Variants in SEMA4D observed in about 807,000 individuals in gnomAD.
SEMA4D encodes the protein semaphorin 4D.
SEMA4D carries 22 observed loss-of-function variants against 74.8 expected under a neutral mutation model. The ratio of observed to expected loss-of-function variants is 0.29; its 90% CI spans 0.21 to 0.42. The LOEUF is 0.42. Ranked by LOEUF, SEMA4D falls within the 10% of genes least tolerant of loss-of-function variation. The pLI is 1.00. For synonymous variants in SEMA4D, 445 were observed against 463.7 expected, an observed-to-expected ratio of 0.96 and a Z score of 0.52; for missense variants, 937 against 1,118.4, an observed-to-expected ratio of 0.84 and a Z score of 2.31.
intron 2 of SEMA4D, among the ~76,000 whole-genome samples, chr9:89,443,040 G>A (rs368114270): frequency 1.3e-5 from 2 of 152,206 alleles, no homozygotes; most frequent in Non-Finnish European, 2.9e-5. Flanking sequence ...CCTACAGCAT[G>A]CCTGCACAGC....
chr9:89,434,258 T>C (rs965255454), intron 2 of SEMA4D, among the ~76,000 whole-genome samples: 19 of 151,778 alleles, frequency 1.3e-4, no homozygotes, highest in African/African-American at 4.1e-4. Context: ...CGCGTGTAGG[T>C]AGAGGAGGGA....
intron 2 of SEMA4D, among the ~76,000 whole-genome samples, chr9:89,452,893 T>C (rs2135466812): frequency 6.6e-6 from 1 of 152,276 alleles, no homozygotes; most frequent in East Asian, 1.9e-4. Flanking sequence ...TCATCATTAG[T>C]CAGAGTAATG....
chr9:89,455,862 G>A (rs1380580243), intron 2 of SEMA4D, 26 bp downstream of exon 2: 1 of 152,224 alleles, frequency 6.6e-6, no homozygotes, highest in African/African-American at 2.4e-5. Flanking sequence ...TGGCTCTCAG[G>A]CAGACGCCGA....
chr9:89,474,730 T>C (rs1341211604), intron 1 of SEMA4D, among the ~76,000 whole-genome samples: 1 of 152,196 alleles, frequency 6.6e-6, no homozygotes, highest in Admixed American at 6.5e-5. Flanking sequence ...GACAGACATA[T>C]GTCCCTCAAA....
chr9:89,462,973 G>GGGGAGCGAGCGAGGGGAGGGGA, intron 1 of SEMA4D, among the ~76,000 whole-genome samples: 1 of 83,042 alleles, frequency 1.2e-5, no homozygotes, highest in African/African-American at 4.6e-5. Flanking sequence ...AGCGAGGGGA[G>GGGGAGCGAGCGAGGGGAGGGGA]GGGAGCGAGG....
intron 2 of SEMA4D, among the ~76,000 whole-genome samples, chr9:89,415,229 T>C (rs73486103): frequency 0.062 from 9,406 of 152,212 alleles, 614 homozygotes; most frequent in African/African-American, 0.16. Context: ...AGCAGGTTAG[T>C]GCTAGCAAAA....
At chr9:89,445,166 G>C (rs149468591) in intron 2 of SEMA4D, among the ~76,000 whole-genome samples, 1 of 152,276 alleles carries the variant, frequency 6.6e-6, no homozygotes, top group East Asian at 1.9e-4. Context: ...GTGCTCACAG[G>C]GAAAGGATGA....
In SEMA4D at chr9:89,381,339, C is replaced by T. The variant is rs1261910533; in HGVS notation, c.1454G>A (p.Arg485Lys). ...CGAGTTAGAGCCAGCATAGACAAAC[C>T]TGTTGCCCTGCGTGTATGAGACAGA... The part of the protein sequence containing the change: ...TLLLSSKKGN[R>K]FVYAGSNSGV... Residue 485 changes from arginine to lysine, a missense_variant, in exon 14 of 16, where the codon AGG (arginine) becomes AAG (lysine). Transcript: ENST00000422704. This position sits in a 1 kb window ranked among gnomAD's most constrained non-coding sequence, Gnocchi z 4.6. 1.4e-6 allele frequency: 2 copies of T among 1,478,586 alleles called. No homozygotes were observed. The highest frequency in any genetic ancestry group is 2.5e-5 in the East Asian group (1 of 40,448). 91.6% of individuals were successfully genotyped at this position (1,478,586 alleles called of 1,614,324 possible).
downstream of SEMA4D, among the ~76,000 whole-genome samples, chr9:89,372,329 G>GGT (rs1160059048): frequency 8.8e-6 from 1 of 113,996 alleles, no homozygotes; most frequent in African/African-American, 3.4e-5. Context: ...TGGTGTCTGA[G>GGT]GTGTGTGTGG....
At chr9:89,385,345 G>A in intron 13 of SEMA4D, 1 of 985,332 alleles carries the variant, frequency 1.0e-6, no homozygotes, top group Non-Finnish European at 1.2e-6. Context: ...GTAGGTGCCT[G>A]CCCAGTCTGG....
intron 16 of SEMA4D, among the ~76,000 whole-genome samples, chr9:89,370,577 CTGTGTGGTCTGTGTAG>C (rs1349259950): frequency 7.0e-6 from 1 of 142,834 alleles, no homozygotes; most frequent in Admixed American, 7.0e-5. Flanking sequence ...GGTATGTCTG[CTGTGTGGTCTGTGTAG>C]TGTGTGTGGT....
intron 2 of SEMA4D, among the ~76,000 whole-genome samples, chr9:89,454,048 A>T (rs962804701): frequency 6.6e-6 from 1 of 152,026 alleles, no homozygotes. Flanking sequence ...TAGTAGAGAC[A>T]GGGTTTCACC....
Position 89,371,992 on chromosome 9 carries a change from G to T in SEMA4D, c.1882+4841C>A, listed in dbSNP as rs1340902892. Reference sequence around the variant, plus strand: ...GGGTGTGGTGTGTGTCTGGGGTGTGGTGTGTGTCTGGGGTGTGGTGTGTGT... The same window carrying T: ...GGGTGTGGTGTGTGTCTGGGGTGTGTTGTGTGTCTGGGGTGTGGTGTGTGT... On this transcript the variant is annotated intron_variant, in intron 16 of 18. Coordinates refer to the SEMA4D transcript ENST00000339861. Among the ~76,000 whole-genome samples the T allele has an allele frequency of 1.5e-3, 38 of 25,380 alleles. 1 individual carries two copies. Among genetic ancestry groups the T allele is most frequent in the Non-Finnish European group, 1.9e-3 (22 of 11,374 alleles). 16.7% of individuals were successfully genotyped at this position (25,380 alleles called of 152,430 possible).
At chr9:89,467,530 G>GTTT (rs1256771251) in intron 1 of SEMA4D, among the ~76,000 whole-genome samples, 6 of 137,468 alleles carry the variant, frequency 4.4e-5, no homozygotes, top group African/African-American at 5.3e-5. Flanking sequence ...GGGAGCGCAT[G>GTTT]ATTTTTTTTT....
At chr9:89,476,419 TTAC>T in intron 1 of SEMA4D, among the ~76,000 whole-genome samples, 1 of 152,314 alleles carries the variant, frequency 6.6e-6, no homozygotes, top group South Asian at 2.1e-4. Context: ...TGTGGAGGTA[TTAC>T]TTTTTTAATG....
In SEMA4D at chr9:89,379,569, T is replaced by C. The variant is rs1836535113; in HGVS notation, c.1724A>G (p.Lys575Arg). 3 of 1,614,162 alleles carry C rather than the reference T, an allele frequency of 1.9e-6. No homozygotes were observed. In the South Asian group the frequency reaches 3.3e-5, roughly 18 times the overall value. Residue 575 changes from lysine (K) to arginine (R), a missense_variant, in exon 16 of 16, where the codon AAA becomes AGA. Transcript: ENST00000422704. ...GGCCAGGTTGGATTTTTGGGAGCAT[T>C]TCAGTTCCGCTGTGCCACCGTGCTT... ...FFKHGGTAEL[K>R]CSQKSNLARV... is the part of the protein sequence containing the mutation.
rs1844590714 is a variant in SEMA4D, at chr9:89,411,820, C to G, written c.-243-6121G>C. Among the ~76,000 whole-genome samples, 3 of 152,314 alleles carry G rather than the reference C, an allele frequency of 2.0e-5. No homozygotes were observed. In the East Asian group the frequency reaches 5.8e-4, roughly 29 times the overall value. On this transcript the variant is annotated intron_variant, in intron 2 of 15. Coordinates refer to ENST00000422704, the MANE Select transcript of SEMA4D (RefSeq NM_001371194.2). ...CCTAGGGCAGCCAGATCTGGGGGCT[C>G]AAACACGCTGTAAAAATAGGATTGT...
At position 89,384,777 on chromosome 9, in the gene SEMA4D, G is replaced by GC. The variant is rs113734755; in HGVS notation, c.1446+1589dup. On this transcript the variant is annotated intron_variant, in intron 13 of 15. Transcript: ENST00000422704. ...CGTGGTACTGGCCGTTTCTCCATTT[G>GC]CTGATCACCGTGAGAGAGCCTGATG... 3.8e-4 allele frequency: 375 copies of GC among 985,378 alleles called. 1 individual carries two copies. The African/African-American group carries it at 6.3e-3, about 16-fold the overall frequency. 61.0% of individuals were successfully genotyped at this position (985,378 alleles called of 1,614,324 possible). A position where few individuals can be genotyped will look rare whatever the true frequency, so the allele number is the denominator to read the frequency against.
At chr9:89,445,701 GCAGT>G (rs1365409931) in intron 2 of SEMA4D, among the ~76,000 whole-genome samples, 1 of 152,170 alleles carries the variant, frequency 6.6e-6, no homozygotes, top group African/African-American at 2.4e-5. Flanking sequence ...CCATTCACAG[GCAGT>G]CAGACAGCCG....
Sources: gnomAD v4.1 joint callset for allele counts (sites outside exome capture counted in the v4.1 genomes callset) on GRCh38, gnomAD v4.1.1 for gene constraint, Gnocchi (gnomAD v3.1) non-coding constraint, MANE v1.5 for transcripts, NCBI Gene and HGNC (gene_info 2026-07-23, HGNC 2026-07-21) for gene names.